Variants in RTN4 observed in about 807,000 individuals in gnomAD.
RTN4 encodes reticulon 4.
In RTN4, 32 loss-of-function variants were observed where a neutral mutation model predicts 90.4. That is an observed-to-expected ratio of 0.35 (90% CI 0.27 to 0.48). The LOEUF (loss-of-function observed/expected upper bound fraction) is 0.48. Ranked by LOEUF, RTN4 falls within the 20% of genes least tolerant of loss-of-function variation. The probability of loss-of-function intolerance (pLI) is 0.99; values close to 1 mark genes in which losing one functional copy is unlikely to be tolerated. For missense variants in RTN4, 1,706 were observed against 1,430.2 expected (o/e 1.19, Z -3.11); for synonymous variants, 629 against 552.5 (o/e 1.14, Z -1.94).
chr2:55,069,906 T>C (rs543644474), intron 2 of RTN4, among the ~76,000 whole-genome samples: 1 of 152,258 alleles, frequency 6.6e-6, no homozygotes, highest in African/African-American at 2.4e-5. Context: ...GAAGTAGGGA[T>C]GATGACAACT....
At chr2:55,032,794 A>T (rs924848596) in intron 1 of RTN4, among the ~76,000 whole-genome samples, 2 of 152,128 alleles carry the variant, frequency 1.3e-5, no homozygotes, top group African/African-American at 4.8e-5. Context: ...TTAGGAGGCC[A>T]AAGTGGGAGG....
At chr2:55,042,525 A>T (rs1157842101) in intron 1 of RTN4, among the ~76,000 whole-genome samples, 1 of 152,218 alleles carries the variant, frequency 6.6e-6, no homozygotes, top group Non-Finnish European at 1.5e-5. Context: ...CTCTAAACAG[A>T]TACTCAAGAA....
intron 1 of RTN4, among the ~76,000 whole-genome samples, chr2:55,095,133 G>A (rs561661466): frequency 6.6e-6 from 1 of 152,154 alleles, no homozygotes; most frequent in African/African-American, 2.4e-5. Flanking sequence ...GATCAGCCTG[G>A]CCAAAATGGT....
At chr2:55,031,822 G>A (rs1044226731) in intron 1 of RTN4, among the ~76,000 whole-genome samples, 4 of 152,106 alleles carry the variant, frequency 2.6e-5, no homozygotes, top group Non-Finnish European at 5.9e-5. Context: ...TGGCCCACAA[G>A]CCTAAACTAT....
chr2:54,980,668 T>A (rs1175096848), intron 5 of RTN4, among the ~76,000 whole-genome samples: 2 of 152,168 alleles, frequency 1.3e-5, no homozygotes, highest in Non-Finnish European at 2.9e-5. Flanking sequence ...TCACCAGGCT[T>A]TTCTTTGAAG....
chr2:55,070,338 C>T (rs988900452), intron 2 of RTN4, among the ~76,000 whole-genome samples: 2 of 151,684 alleles, frequency 1.3e-5, no homozygotes, highest in Non-Finnish European at 2.9e-5. Context: ...GCAGAAGGAT[C>T]CCGTGAGCTC....
chr2:55,051,306 G>A (rs1438226690), upstream of RTN4, among the ~76,000 whole-genome samples: 1 of 152,178 alleles, frequency 6.6e-6, no homozygotes, highest in Non-Finnish European at 1.5e-5. Flanking sequence ...AGACAGGAAA[G>A]TGGAAATACA....
intron 2 of RTN4, among the ~76,000 whole-genome samples, chr2:55,076,736 C>CGT (rs1355156326): frequency 1.3e-5 from 2 of 151,958 alleles, no homozygotes; most frequent in African/African-American, 4.8e-5. Flanking sequence ...ATAATCCCCG[C>CGT]GTGTCTTGGG....
intron 3 of RTN4, among the ~76,000 whole-genome samples, chr2:54,993,322 A>G (rs1679173629): frequency 6.6e-6 from 1 of 152,048 alleles, no homozygotes; most frequent in Non-Finnish European, 1.5e-5. Context: ...TATGAGTGTT[A>G]TTTTTCCCAG....
At chr2:55,126,066 A>C in the RTN4 span, among the ~76,000 whole-genome samples, 60 of 148,922 alleles carry the variant, frequency 4.0e-4, no homozygotes, top group Middle Eastern at 3.6e-3. Context: ...GTCTCAAAAA[A>C]AAAAAAAAAA....
At chr2:54,973,889 T>G (rs1023869245) in intron 6 of RTN4, 22 bp from the exon 7 acceptor site, 1 of 1,602,668 alleles carries the variant, frequency 6.2e-7, no homozygotes, top group Non-Finnish European at 8.5e-7. Flanking sequence ...AATATACAAC[T>G]TTTCAAAAAG....
In RTN4 at chr2:55,049,821, G is replaced by C. The variant is rs572328965; in HGVS notation, c.480C>G (p.Thr160=). The C allele has an allele frequency of 1.1e-5, 15 of 1,306,862 alleles. No homozygotes were observed. The African/African-American group carries it at 2.3e-4, about 20-fold the overall frequency. 81.0% of individuals were successfully genotyped at this position (1,306,862 alleles called of 1,614,324 possible). A position where few individuals can be genotyped will look rare whatever the true frequency, so the allele number is the denominator to read the frequency against. Residue 160 remains threonine, a synonymous_variant, in exon 1 of 9, where the codon ACC becomes ACG. Coordinates refer to ENST00000337526, the MANE Select transcript of RTN4 (RefSeq NM_020532.5). ...GCGCGGCGGGAGCCGGGGCTGGCGG[G>C]GTCCACACGGGCTCTGCCTGGGGGC... ...SVSPQAEPVW[T]PPAPAPAAPP...
chr2:55,008,722 T>G (rs1188972591), intron 3 of RTN4, among the ~76,000 whole-genome samples: 2 of 152,138 alleles, frequency 1.3e-5, no homozygotes, highest in African/African-American at 4.8e-5. Flanking sequence ...AATAAAGAAC[T>G]TAAGATGTTA....
At chr2:55,039,164 T>C (rs779739740) in intron 1 of RTN4, among the ~76,000 whole-genome samples, 13 of 152,222 alleles carry the variant, frequency 8.5e-5, no homozygotes, top group African/African-American at 2.4e-4. Context: ...TCTAGGATGA[T>C]AGAAATGTTC....
intron 1 of RTN4, among the ~76,000 whole-genome samples, chr2:55,039,897 T>C (rs1682956353): frequency 6.6e-6 from 1 of 152,236 alleles, no homozygotes; most frequent in Non-Finnish European, 1.5e-5. Context: ...TTAAAATATA[T>C]ACATGTTTGA....
chr2:55,025,125 G>T lies in RTN4; in HGVS notation c.2974C>A (p.Pro992Thr), dbSNP rs139414628. ...AGCTCTGCTGAAAATATAGCAGATG[G>T]TGATCTGTCCTCTTTTTCTGTATCG... ...PSDTEKEDRS[P>T]SAIFSAELSK... The change falls in exon 3 of 9, where the codon CCA becomes ACA. Residue 992 changes from proline (P) to threonine (T), a missense_variant. Physicochemically the swap from Pro to Thr is conservative, Grantham distance 38. Coordinates refer to ENST00000337526, the MANE Select transcript of RTN4 (RefSeq NM_020532.5). The T allele has an allele frequency of 1.7e-4, 268 of 1,612,594 alleles. No individual in the cohort carries two copies. Among genetic ancestry groups the T allele is most frequent in the Non-Finnish European group, 2.1e-4 (250 of 1,179,424 alleles).
intron 4 of RTN4, among the ~76,000 whole-genome samples, chr2:54,986,871 GA>G (rs1380421485): frequency 2.0e-5 from 3 of 152,000 alleles, no homozygotes; most frequent in Non-Finnish European, 2.9e-5. Context: ...AAAAGAGGGG[GA>G]AAAACACGCA....
chr2:54,996,728 G>C (rs1331166513), intron 3 of RTN4, among the ~76,000 whole-genome samples: 1 of 152,166 alleles, frequency 6.6e-6, no homozygotes, highest in Non-Finnish European at 1.5e-5. Flanking sequence ...GCTTAAACTA[G>C]AAAACTCTTT....
upstream of RTN4, among the ~76,000 whole-genome samples, chr2:55,055,775 A>C (rs1394761118): frequency 2.6e-5 from 4 of 151,666 alleles, no homozygotes; most frequent in Non-Finnish European, 5.9e-5. Context: ...GTCTCAAAAA[A>C]AAAAACAAAA....
Sources: gnomAD v4.1 joint callset for allele counts (sites outside exome capture counted in the v4.1 genomes callset) on GRCh38, gnomAD v4.1.1 for gene constraint, MANE v1.5 for transcripts, NCBI Gene and HGNC (gene_info 2026-07-23, HGNC 2026-07-21) for gene names.